The following C17orf107 variants were observed in gnomAD, a reference collection of about 807,000 sequenced individuals.
C17orf107 encodes uncharacterized protein C17orf107.
In C17orf107, 9 loss-of-function variants were observed where a neutral mutation model predicts 8.9. The ratio of observed to expected loss-of-function variants is 1.02; its 90% CI spans 0.61 to 1.77. The LOEUF (loss-of-function observed/expected upper bound fraction) is 1.77, where lower values mean the gene tolerates loss of function less well. C17orf107 is among the 40% of genes most tolerant of loss of function. The pLI is 0.00. For synonymous variants in C17orf107, 139 were observed against 120.3 expected (o/e 1.16, Z -1.02); for missense variants, 281 against 249.0 (o/e 1.13, Z -0.86).
Position 4,900,734 on chromosome 17 carries a change from T to G in C17orf107, c.*201T>G. The G allele has an allele frequency of 6.5e-7, 1 of 1,541,022 alleles. No individual in the cohort carries two copies. ...CAGAGCTTTTCCCGGGGTCTCTGGG[T>G]TTTGGCCACGCCCCCACCCTTCACA... On this transcript the variant is annotated 3_prime_UTR_variant, in exon 3 of 3. Coordinates refer to ENST00000381365, the MANE Select transcript of C17orf107 (RefSeq NM_001145536.2).
chr17:4,899,549 G>A lies in C17orf107; in HGVS notation c.-214G>A, dbSNP rs757563966. On this transcript the variant is annotated 5_prime_UTR_variant, in exon 1 of 3. An upstream start codon of the reference 5' UTR is lost. Coordinates refer to ENST00000381365, the MANE Select transcript of C17orf107 (RefSeq NM_001145536.2). The stretch of plus-strand genomic sequence containing the variant: ...GCACGATGACGCAATTCATGACAAT[G>A]AGCGTGGCGACCACCATGACGAAAA... 1.0e-5 allele frequency: 16 copies of A among 1,598,312 alleles called. No homozygotes were observed. Among genetic ancestry groups the A allele is most frequent in the Middle Eastern group, 1.7e-4 (1 of 5,788 alleles).
chr17:4,903,015 T>C (rs1363310064), downstream of C17orf107: 18 of 1,613,976 alleles, frequency 1.1e-5, no homozygotes, highest in Non-Finnish European at 1.5e-5. Context: ...CCCCTGTCCG[T>C]ACCGAGAAGC....
rs1429077068 is a variant in C17orf107 at position 4,900,274 on chromosome 17, T to C, written c.314T>C (p.Leu105Pro). Residue 105 changes from leucine (L) to proline (P), a missense_variant, in exon 3 of 3, where the codon CTA becomes CCA. Physicochemically the swap from Leu to Pro is moderately conservative, Grantham distance 98. Coordinates refer to ENST00000381365, the MANE Select transcript of C17orf107 (RefSeq NM_001145536.2). The stretch of plus-strand genomic sequence containing the variant: ...TGGCTGCAGCAGGAGGCGCGGCGAC[T>C]AGACGGCAGCGCGGGCCCAGCCCCA... ...ALWLQQEARR[L>P]DGSAGPAPDG... is the part of the protein sequence containing the mutation. 1.3e-6 allele frequency: 2 copies of C among 1,545,722 alleles called. No homozygotes were observed. The highest frequency in any genetic ancestry group is 1.7e-6 in the Non-Finnish European group (2 of 1,146,648).
At chr17:4,904,078 C>T (rs1461454295), downstream of C17orf107, among the ~76,000 whole-genome samples, 2 of 152,126 alleles carry the variant, frequency 1.3e-5, no homozygotes, top group African/African-American at 2.4e-5. Flanking sequence ...AGGATGGTCT[C>T]GATCTCCTGA....
Position 4,901,800 on chromosome 17 carries a change from C to T in C17orf107, c.*1267C>T. ...TACCTCCGGCCGCGCTGGAGCGTCCCACCCAGTGCCTACGCCTGGCTCCGC... is the reference window on the plus strand; with the variant it reads ...TACCTCCGGCCGCGCTGGAGCGTCCTACCCAGTGCCTACGCCTGGCTCCGC... On this transcript the variant is annotated 3_prime_UTR_variant, in exon 3 of 3. Transcript: ENST00000381365. 4 of 1,390,800 alleles carry T rather than the reference C, an allele frequency of 2.9e-6. No homozygotes were observed. The highest frequency in any genetic ancestry group is 1.2e-5 in the South Asian group (1 of 84,842). 86.2% of individuals were successfully genotyped at this position (1,390,800 alleles called of 1,614,324 possible). A position where few individuals can be genotyped will look rare whatever the true frequency, so the allele number is the denominator to read the frequency against.
rs1969995836 is a variant in C17orf107, at chr17:4,901,817, T to C, written c.*1284T>C. The C allele has an allele frequency of 6.8e-7, 1 of 1,478,838 alleles. No homozygotes were observed. Among genetic ancestry groups the C allele is most frequent in the Non-Finnish European group, 9.4e-7 (1 of 1,067,570 alleles). The allele number at this position is 1,478,838 out of a possible 1,614,324, so 91.6% of individuals were successfully genotyped here. ...GAGCGTCCCACCCAGTGCCTACGCC[T>C]GGCTCCGCCTCCAGCGCGAAGCCCC... On this transcript the variant is annotated 3_prime_UTR_variant, in exon 3 of 3. Transcript: ENST00000381365.
Position 4,901,396 on chromosome 17 carries a change from C to G in C17orf107, c.*863C>G, listed in dbSNP as rs193239361. The G allele has an allele frequency of 8.5e-3, 8,354 of 985,050 alleles. 50 individuals are homozygous for G. Among genetic ancestry groups the G allele is most frequent in the Non-Finnish European group, 0.011 (6,925 of 626,004 alleles). The allele number at this position is 985,050 out of a possible 1,614,324, so 61.0% of individuals were successfully genotyped here. A position where few individuals can be genotyped will look rare whatever the true frequency, so the allele number is the denominator to read the frequency against. On this transcript the variant is annotated 3_prime_UTR_variant, in exon 3 of 3. Transcript: ENST00000381365. ...GTAACAATCGAGAATGATTTCAGGA[C>G]AGGGGTAAGCTAAACCCAGTTGTGG...
rs759708816 is a variant in C17orf107 at position 4,902,659 on chromosome 17, T to C, written c.*2126T>C. ...TTCGTCAGGGTGACCTTGAGGCTGA[T>C]GGTGACAGTATCCTCAGGCTCCCGC... On this transcript the variant is annotated 3_prime_UTR_variant, in exon 3 of 3. Transcript: ENST00000381365. The surrounding 1 kb of genome is among the most constrained non-coding windows in gnomAD (Gnocchi z 4.0). 8 of 1,613,984 alleles carry C rather than the reference T, an allele frequency of 5.0e-6. No homozygotes were observed. Among genetic ancestry groups the C allele is most frequent in the Non-Finnish European group, 5.9e-6 (7 of 1,179,994 alleles).
At position 4,899,995 on chromosome 17, in the gene C17orf107, A is replaced by T; in HGVS notation, c.126A>T (p.Glu42Asp). 1 of 1,551,470 alleles carries T rather than the reference A, an allele frequency of 6.4e-7. No individual in the cohort carries two copies. The highest frequency in any genetic ancestry group is 8.7e-7 in the Non-Finnish European group (1 of 1,146,976). ...SLELSVAAAH[E>D]YLEQRFRELK... Reference sequence around the variant, plus strand: ...AACTCTCCGTGGCCGCAGCCCATGAATATCTGGAGCAGAGGTTCAGAGAGC... The same window carrying T: ...AACTCTCCGTGGCCGCAGCCCATGATTATCTGGAGCAGAGGTTCAGAGAGC... Residue 42 changes from glutamate (E) to aspartate (D), a missense_variant, in exon 2 of 3, where the codon GAA becomes GAT. Transcript: ENST00000381365.
At chr17:4,903,739 G>C (rs1970050465), downstream of C17orf107, among the ~76,000 whole-genome samples, 1 of 152,112 alleles carries the variant, frequency 6.6e-6, no homozygotes, top group Non-Finnish European at 1.5e-5. Flanking sequence ...GTCTATCCCT[G>C]CTGCCACCTT....
At position 4,901,077 on chromosome 17, in the gene C17orf107, T is replaced by C. The variant is rs746993242; in HGVS notation, c.*544T>C. 1 of 1,613,792 alleles carries C rather than the reference T, an allele frequency of 6.2e-7. No homozygotes were observed. Among genetic ancestry groups the C allele is most frequent in the East Asian group, 2.2e-5 (1 of 44,876 alleles). On this transcript the variant is annotated 3_prime_UTR_variant, in exon 3 of 3. Coordinates refer to ENST00000381365, the MANE Select transcript of C17orf107 (RefSeq NM_001145536.2). ...ATGTTAATGACGTAGAAGAGCGGCT[T>C]CCGGCGGATGATGAGCGAGTAGATG...
downstream of C17orf107, among the ~76,000 whole-genome samples, chr17:4,904,631 G>A (rs3760490): frequency 0.18 from 27,572 of 152,036 alleles, 2,806 homozygotes; most frequent in African/African-American, 0.28. Context: ...TGCTAAGGTC[G>A]GGATCCAGGG....
chr17:4,904,423 A>G (rs934792306), downstream of C17orf107, among the ~76,000 whole-genome samples: 7 of 152,124 alleles, frequency 4.6e-5, no homozygotes, highest in Non-Finnish European at 1.5e-5. Context: ...CTTATTTTAA[A>G]TTCAGATTCC....
rs151006465 is a variant in C17orf107, at chr17:4,900,849, C to A, written c.*316C>A. The A allele has an allele frequency of 3.7e-6, 6 of 1,614,086 alleles. No homozygotes were observed. In the African/African-American group the frequency reaches 4.0e-5, roughly 11 times the overall value. ...CTGGGATTTTCTGGGCAATGAGGAA[C>A]AAGAAGACGGTCTGGGCGAGCAGGA... On this transcript the variant is annotated 3_prime_UTR_variant, in exon 3 of 3. Coordinates refer to ENST00000381365, the MANE Select transcript of C17orf107 (RefSeq NM_001145536.2).
In C17orf107 at chr17:4,900,873, G is replaced by A; in HGVS notation, c.*340G>A. 1.2e-6 allele frequency: 2 copies of A among 1,614,214 alleles called. No homozygotes were observed. The highest frequency in any genetic ancestry group is 8.5e-7 in the Non-Finnish European group (1 of 1,180,016). On this transcript the variant is annotated 3_prime_UTR_variant, in exon 3 of 3. Coordinates refer to ENST00000381365, the MANE Select transcript of C17orf107 (RefSeq NM_001145536.2). ...ACAAGAAGACGGTCTGGGCGAGCAGGACGTTGATGGAGACCGTGCATTTCT... is the reference window on the plus strand; with the variant it reads ...ACAAGAAGACGGTCTGGGCGAGCAGAACGTTGATGGAGACCGTGCATTTCT...
chr17:4,901,120 GCCGTCGGTGGCGCCA>G lies in C17orf107; in HGVS notation c.*592_*606del, dbSNP rs1205741998. 2 of 1,612,760 alleles carry G rather than the reference GCCGTCGGTGGCGCCA, an allele frequency of 1.2e-6. No homozygotes were observed. The highest frequency in any genetic ancestry group is 2.7e-5 in the African/African-American group (2 of 74,926). ...AGTAGATGACGTCAGTCTCCCCTGG[GCCGTCGGTGGCGCCA>G]CCGTGGTGGCGGCGGATCACCCCCG... On this transcript the variant is annotated 3_prime_UTR_variant, in exon 3 of 3. Coordinates refer to ENST00000381365, the MANE Select transcript of C17orf107 (RefSeq NM_001145536.2).
downstream of C17orf107, chr17:4,903,212 G>A: frequency 1.2e-6 from 1 of 821,036 alleles, no homozygotes; most frequent in Admixed American, 2.0e-5. Context: ...TGCAGCTGGG[G>A]ACATTTTGGC....
In C17orf107 at chr17:4,900,028, C is replaced by T; in HGVS notation, c.159C>T (p.Ser53=). 6.4e-7 allele frequency: 1 copy of T among 1,551,470 alleles called. No homozygotes were observed. The highest frequency in any genetic ancestry group is 1.7e-4 in the Middle Eastern group (1 of 5,992). Residue 53 remains serine, a synonymous_variant, in exon 2 of 3, where the codon TCC becomes TCT. Transcript: ENST00000381365. ...YLEQRFRELK[S]LEPPEPKMQG... ...AGCAGAGGTTCAGAGAGCTGAAGTC[C>T]CTGGAGCCACCCGAACCGAAGATGC...
Position 4,901,932 on chromosome 17 carries a change from C to T in C17orf107, c.*1399C>T. The T allele has an allele frequency of 6.2e-7, 1 of 1,613,404 alleles. No individual in the cohort carries two copies. The highest frequency in any genetic ancestry group is 8.5e-7 in the Non-Finnish European group (1 of 1,179,750). On this transcript the variant is annotated 3_prime_UTR_variant, in exon 3 of 3. Transcript: ENST00000381365. ...CGGGCCTCGGAGTAGCTCTTCCCAC[C>T]GGAAAATAAGCGAACAGTTCTGCCA...
Sources: allele counts gnomAD v4.1 joint callset (sites outside exome capture counted in the v4.1 genomes callset), GRCh38; gene constraint gnomAD v4.1.1; non-coding constraint Gnocchi (gnomAD v3.1); transcripts MANE v1.5; gene names NCBI Gene and HGNC (gene_info 2026-07-23, HGNC 2026-07-21).